ANKRD24: variants seen among roughly 807,000 people sequenced by gnomAD.
ANKRD24 encodes the protein ankyrin repeat domain-containing protein 24.
A neutral mutation model predicts 127.8 loss-of-function variants in ANKRD24; 109 were observed. The ratio of observed to expected loss-of-function variants is 0.85; its 90% CI spans 0.73 to 1.00. The LOEUF (loss-of-function observed/expected upper bound fraction) is 1.00. ANKRD24 is among the 50% of genes least tolerant of loss of function. The pLI is 0.00. For synonymous variants in ANKRD24, 743 were observed against 671.1 expected (o/e 1.11, Z -1.66); for missense variants, 1,648 against 1,570.2 (o/e 1.05, Z -0.84).
In ANKRD24 at chr19:4,224,344, G is replaced by A. The variant is rs569495810; in HGVS notation, c.3364-84G>A. The A allele has an allele frequency of 2.1e-5, 32 of 1,497,534 alleles. No homozygotes were observed. In the African/African-American group the frequency reaches 4.3e-4, roughly 20 times the overall value. The allele number at this position is 1,497,534 out of a possible 1,614,324, so 92.8% of individuals were successfully genotyped here. Reference sequence around the variant, plus strand: ...CCCTGTGTGCATTTCCCTCCTGGCTGGCTTGGTCTATGGGAGTGGTGGAGG... The same window carrying A: ...CCCTGTGTGCATTTCCCTCCTGGCTAGCTTGGTCTATGGGAGTGGTGGAGG... On this transcript the variant is annotated intron_variant, in intron 21 of 21. Coordinates refer to ENST00000318934, the MANE Select transcript of ANKRD24 (RefSeq NM_001393985.1).
At chr19:4,208,644 C>A in intron 10 of ANKRD24, 120 bp from the exon 11 acceptor site, 1 of 959,280 alleles carries the variant, frequency 1.0e-6, no homozygotes, top group Non-Finnish European at 1.6e-6. Context: ...CGCCAGATTT[C>A]TACCTTAAAC....
At chr19:4,211,641 C>T (rs1969746533) in intron 13 of ANKRD24, among the ~76,000 whole-genome samples, 1 of 151,956 alleles carries the variant, frequency 6.6e-6, no homozygotes, top group African/African-American at 2.4e-5. Context: ...AAGACTCCAT[C>T]TCAACAACAA....
chr19:4,222,261 C>T (rs1222676802), intron 19 of ANKRD24, among the ~76,000 whole-genome samples: 5 of 152,236 alleles, frequency 3.3e-5, no homozygotes, highest in South Asian at 4.1e-4. Context: ...TGGTGATGGG[C>T]ACCTGTAGTC....
At chr19:4,206,961 A>T in intron 7 of ANKRD24, 1 of 492,946 alleles carries the variant, frequency 2.0e-6, no homozygotes. Flanking sequence ...GCTGGTTTGC[A>T]GTGGTGCCAT....
intron 7 of ANKRD24, 78 bp from the exon 8 acceptor site, chr19:4,207,164 A>T (rs34976536): frequency 0.35 from 447,347 of 1,261,672 alleles, 81,857 homozygotes; most frequent in African/African-American, 0.51. Flanking sequence ...ACTCAAGCGA[A>T]CCTCCTGCCT....
At position 4,217,979 on chromosome 19, in the gene ANKRD24, T is replaced by C. The variant is rs1340953624; in HGVS notation, c.2819T>C (p.Val940Ala). The C allele has an allele frequency of 1.3e-6, 2 of 1,520,376 alleles. No individual in the cohort carries two copies. Among genetic ancestry groups the C allele is most frequent in the Non-Finnish European group, 1.8e-6 (2 of 1,141,634 alleles). 94.2% of individuals were successfully genotyped at this position (1,520,376 alleles called of 1,614,324 possible). ...CGGGCAGCCAGTCTGGAGCAGGAGG[T>C]GGTGGCCACGGGCAAGGAGGCCGCC... Reference protein sequence around the residue: ...RGRAASLEQEVVATGKEAARL... With the variant: ...RGRAASLEQEAVATGKEAARL... The change falls in exon 18 of 22, where the codon GTG (valine) becomes GCG (alanine). Residue 940 changes from valine to alanine, a missense_variant. Physicochemically the swap from Val to Ala is moderately conservative, Grantham distance 64. Transcript: ENST00000318934.
At chr19:4,216,423 G>A (rs1356957137) in intron 17 of ANKRD24, 21 bp downstream of exon 17, 3 of 1,558,868 alleles carry the variant, frequency 1.9e-6, no homozygotes, top group Non-Finnish European at 2.6e-6. Context: ...TGAGGCTGGG[G>A]ACAGATCTGA....
At chr19:4,221,305 G>A (rs759275529) in intron 19 of ANKRD24, among the ~76,000 whole-genome samples, 3 of 151,896 alleles carry the variant, frequency 2.0e-5, no homozygotes, top group African/African-American at 7.3e-5. Context: ...TCGAACTCCC[G>A]ACCTCAGGTG....
At position 4,198,732 on chromosome 19, in the gene ANKRD24, G is replaced by A. The variant is rs1310283711; in HGVS notation, c.37-951G>A. Among the ~76,000 whole-genome samples the A allele has an allele frequency of 6.6e-6, 1 of 151,704 alleles. No individual in the cohort carries two copies. The highest frequency in any genetic ancestry group is 1.5e-5 in the Non-Finnish European group (1 of 68,026). ...GACATTTGGGGAGACATGTGGACAC[G>A]TTTTGGAAGACTCTTTGAAACAAAT... is the stretch of plus-strand genomic sequence containing the variant. On this transcript the variant is annotated intron_variant, in intron 2 of 21. Coordinates refer to ENST00000318934, the MANE Select transcript of ANKRD24 (RefSeq NM_001393985.1). The surrounding 1 kb of genome is among the most constrained non-coding windows in gnomAD (Gnocchi z 6.1).
chr19:4,185,951 C>G (rs1568309043), intron 1 of ANKRD24, among the ~76,000 whole-genome samples: 1 of 152,114 alleles, frequency 6.6e-6, no homozygotes, highest in Non-Finnish European at 1.5e-5. Flanking sequence ...GATTTTGGAA[C>G]TGGGCTTTGA....
At chr19:4,212,535 A>T (rs575495439) in intron 14 of ANKRD24, 22 bp downstream of exon 14, 2 of 1,552,198 alleles carry the variant, frequency 1.3e-6, no homozygotes, top group East Asian at 4.8e-5. Context: ...GGTGGGGAGG[A>T]GCCGGTCCTC....
rs1970143691 is a variant in ANKRD24, at chr19:4,217,168, A to G, written c.2008A>G (p.Thr670Ala). The G allele has an allele frequency of 6.2e-7, 1 of 1,613,046 alleles. No individual in the cohort carries two copies. The highest frequency in any genetic ancestry group is 8.5e-7 in the Non-Finnish European group (1 of 1,179,518). ...GQAEPPVTGTTNMEATGSRAT... is the reference protein window; with the variant it reads ...GQAEPPVTGTANMEATGSRAT... ...AGCAGAGCCCCCAGTCACAGGGACC[A>G]CAAACATGGAGGCCACGGGCTCTAG... The change falls in exon 18 of 22, where the codon ACA becomes GCA. Residue 670 changes from threonine to alanine, a missense_variant. Physicochemically the swap from Thr to Ala is moderately conservative, Grantham distance 58. Transcript: ENST00000318934.
Position 4,217,355 on chromosome 19 carries a change from T to C in ANKRD24, c.2195T>C (p.Leu732Ser). ...GAGCTGGAGACCAGGATCCGTGGCT[T>C]GGAGGAGGCTCTCCGGCAGCGGGAG... ...QVELETRIRG[L>S]EEALRQRERE... The change falls in exon 18 of 22, where the codon TTG (leucine) becomes TCG (serine). Residue 732 changes from leucine to serine, a missense_variant. Physicochemically the swap from Leu to Ser is moderately radical, Grantham distance 145. Coordinates refer to ENST00000318934, the MANE Select transcript of ANKRD24 (RefSeq NM_001393985.1). 6.4e-7 allele frequency: 1 copy of C among 1,551,184 alleles called. No homozygotes were observed. Among genetic ancestry groups the C allele is most frequent in the Non-Finnish European group, 8.7e-7 (1 of 1,146,978 alleles).
At chr19:4,183,182 G>A (rs768360946) in intron 1 of ANKRD24, among the ~76,000 whole-genome samples, 1 of 152,064 alleles carries the variant, frequency 6.6e-6, no homozygotes, top group Admixed American at 6.6e-5. Flanking sequence ...GTTTCTCCAT[G>A]TTGGTCAGGC....
intron 7 of ANKRD24, among the ~76,000 whole-genome samples, chr19:4,204,056 C>T (rs1427160737): frequency 2.7e-5 from 4 of 150,340 alleles, no homozygotes; most frequent in Non-Finnish European, 4.4e-5. Context: ...CTCCGCCTCC[C>T]GGGTCCACGC....
chr19:4,218,959 G>A (rs1452562814), intron 18 of ANKRD24, among the ~76,000 whole-genome samples: 1 of 151,878 alleles, frequency 6.6e-6, no homozygotes, highest in Non-Finnish European at 1.5e-5. Flanking sequence ...GTAAAGACAG[G>A]GTTTTGCCAT....
chr19:4,198,240 C>G lies in ANKRD24; in HGVS notation c.37-1443C>G, dbSNP rs1018409559. 2.4e-5 allele frequency: 12 copies of G among 502,738 alleles called. No homozygotes were observed. The East Asian group carries it at 3.8e-4, about 16-fold the overall frequency. 31.1% of individuals were successfully genotyped at this position (502,738 alleles called of 1,614,324 possible). ...GTCAGGAGGGGCCGGGGCGGCGCCC[C>G]TTCCCTCAGCCCCCAGCCCCCAGCC... On this transcript the variant is annotated intron_variant, in intron 2 of 21. Coordinates refer to ENST00000318934, the MANE Select transcript of ANKRD24 (RefSeq NM_001393985.1). The surrounding 1 kb of genome is among the most constrained non-coding windows in gnomAD (Gnocchi z 6.1).
At position 4,217,809 on chromosome 19, in the gene ANKRD24, C is replaced by G; in HGVS notation, c.2649C>G (p.Ala883=). ...GCCGGGCACGGGACGCCGCTGAGGCCCGAGTGGCTGAGCTGCCTGCGGCCT... is the reference window on the plus strand; with the variant it reads ...GCCGGGCACGGGACGCCGCTGAGGCGCGAGTGGCTGAGCTGCCTGCGGCCT... ...ELGRARDAAE[A]RVAELPAACE... Residue 883 remains alanine, a synonymous_variant, in exon 18 of 22, where the codon GCC becomes GCG. Coordinates refer to ENST00000318934, the MANE Select transcript of ANKRD24 (RefSeq NM_001393985.1). 1.4e-6 allele frequency: 2 copies of G among 1,383,256 alleles called. No individual in the cohort carries two copies. Among genetic ancestry groups the G allele is most frequent in the Non-Finnish European group, 1.9e-6 (2 of 1,073,606 alleles). The allele number at this position is 1,383,256 out of a possible 1,614,324, so 85.7% of individuals were successfully genotyped here.
At chr19:4,197,457 A>C (rs1968813103) in intron 2 of ANKRD24, among the ~76,000 whole-genome samples, 1 of 152,040 alleles carries the variant, frequency 6.6e-6, no homozygotes. Context: ...TGAATGGATG[A>C]ATGGGTGAGC....
Sources: gnomAD v4.1 joint callset for allele counts (sites outside exome capture counted in the v4.1 genomes callset) on GRCh38, gnomAD v4.1.1 for gene constraint, Gnocchi (gnomAD v3.1) non-coding constraint, MANE v1.5 for transcripts, NCBI Gene and HGNC (gene_info 2026-07-23, HGNC 2026-07-21) for gene names.